Variants in UBASH3B observed in about 807,000 individuals in gnomAD.
The protein encoded by UBASH3B is ubiquitin associated and SH3 domain containing B.
A neutral mutation model predicts 83.4 loss-of-function variants in UBASH3B; 37 were observed. That is an observed-to-expected ratio of 0.44 (90% CI 0.34 to 0.58). The LOEUF (loss-of-function observed/expected upper bound fraction) is 0.58, where lower values mean the gene tolerates loss of function less well. Among genes scored for constraint, UBASH3B ranks in the 20% least tolerant of loss-of-function variants. UBASH3B has a pLI of 0.01. For missense variants in UBASH3B, 657 were observed against 827.2 expected (o/e 0.79, Z 2.52); for synonymous variants, 304 against 318.3 (o/e 0.96, Z 0.48).
chr11:122,802,547 A>G (rs1861277090), intron 11 of UBASH3B, among the ~76,000 whole-genome samples: 1 of 152,092 alleles, frequency 6.6e-6, no homozygotes, highest in South Asian at 2.1e-4. Flanking sequence ...TACCCAAACC[A>G]CATTAAAGCA....
chr11:122,776,648 G>T (rs140273192), intron 2 of UBASH3B, among the ~76,000 whole-genome samples: 74 of 152,286 alleles, frequency 4.9e-4, no homozygotes, highest in African/African-American at 1.5e-3. Context: ...ACCTCTCTGG[G>T]AGCTTCCCTT....
intron 1 of UBASH3B, among the ~76,000 whole-genome samples, chr11:122,739,213 G>A (rs1444086226): frequency 1.3e-5 from 2 of 152,164 alleles, no homozygotes; most frequent in Non-Finnish European, 2.9e-5. Context: ...CCCAGACTGA[G>A]GAGTGGAAAG....
chr11:122,699,511 T>TTC, intron 1 of UBASH3B, among the ~76,000 whole-genome samples: 1 of 139,878 alleles, frequency 7.1e-6, no homozygotes, highest in East Asian at 2.2e-4. Flanking sequence ...CTTTCTTTCT[T>TTC]TCTTTCTCTT....
At chr11:122,692,041 G>T (rs935816103) in intron 1 of UBASH3B, among the ~76,000 whole-genome samples, 2 of 152,138 alleles carry the variant, frequency 1.3e-5, no homozygotes, top group Non-Finnish European at 2.9e-5. Context: ...CGTTCCATGT[G>T]CTGGCTCTGC....
At chr11:122,752,875 C>A (rs538401009) in intron 1 of UBASH3B, among the ~76,000 whole-genome samples, 3 of 152,170 alleles carry the variant, frequency 2.0e-5, no homozygotes, top group East Asian at 3.9e-4. Flanking sequence ...ATACAAACAA[C>A]CAACCTTTGA....
intron 6 of UBASH3B, among the ~76,000 whole-genome samples, chr11:122,789,860 C>T (rs1861020665): frequency 6.6e-6 from 1 of 152,188 alleles, no homozygotes; most frequent in Non-Finnish European, 1.5e-5. Context: ...AAAAGGGGTC[C>T]ATTTCCCCCC....
At chr11:122,657,618 C>T (rs1413799666) in intron 1 of UBASH3B, among the ~76,000 whole-genome samples, 1 of 152,162 alleles carries the variant, frequency 6.6e-6, no homozygotes, top group African/African-American at 2.4e-5. Flanking sequence ...CTTGTTTATT[C>T]TCTACTAACT....
chr11:122,768,072 C>G (rs1389302759), intron 1 of UBASH3B, among the ~76,000 whole-genome samples: 1 of 152,204 alleles, frequency 6.6e-6, no homozygotes, highest in Non-Finnish European at 1.5e-5. Context: ...GACTGCTAGC[C>G]TGGGAGCCCT....
intron 1 of UBASH3B, among the ~76,000 whole-genome samples, chr11:122,756,773 G>C (rs555043242): frequency 6.6e-6 from 1 of 152,190 alleles, no homozygotes; most frequent in Non-Finnish European, 1.5e-5. Context: ...CCCTATGAAG[G>C]GGGTCCTCAA....
chr11:122,703,860 G>A (rs955724987), intron 1 of UBASH3B, among the ~76,000 whole-genome samples: 1 of 152,224 alleles, frequency 6.6e-6, no homozygotes, highest in African/African-American at 2.4e-5. Context: ...ACAGGTGATG[G>A]CATAAGCCGG....
chr11:122,671,120 CAG>C (rs781629266), intron 1 of UBASH3B, among the ~76,000 whole-genome samples: 3 of 152,274 alleles, frequency 2.0e-5, no homozygotes, highest in Non-Finnish European at 4.4e-5. Flanking sequence ...AGGAGGGGAA[CAG>C]AGATGCGGGG....
chr11:122,801,367 T>C, intron 11 of UBASH3B, 35 bp downstream of exon 11: 11 of 1,608,748 alleles, frequency 6.8e-6, no homozygotes, highest in African/African-American at 1.3e-5. Context: ...CTGAGGCCAG[T>C]GTGGAAGTGC....
chr11:122,785,377 A>T (rs1180626315), intron 5 of UBASH3B, among the ~76,000 whole-genome samples: 1 of 152,020 alleles, frequency 6.6e-6, no homozygotes, highest in East Asian at 1.9e-4. Flanking sequence ...TGCCCCCAGG[A>T]GGCAGTTTTG....
At chr11:122,695,393 T>G (rs1863953928) in intron 1 of UBASH3B, among the ~76,000 whole-genome samples, 1 of 152,148 alleles carries the variant, frequency 6.6e-6, no homozygotes, top group African/African-American at 2.4e-5. Context: ...TGCGGATGGG[T>G]GGGAGTTTCC....
intron 1 of UBASH3B, among the ~76,000 whole-genome samples, chr11:122,720,999 A>T (rs1860619745): frequency 6.6e-6 from 1 of 151,918 alleles, no homozygotes; most frequent in African/African-American, 2.4e-5. Flanking sequence ...TAATCCCAGC[A>T]CTTTGGGAGG....
chr11:122,798,078 G>GTTCTGGA (rs1380642728), intron 9 of UBASH3B, among the ~76,000 whole-genome samples: 2 of 152,010 alleles, frequency 1.3e-5, no homozygotes, highest in African/African-American at 4.8e-5. Context: ...GAGACCTGGA[G>GTTCTGGA]TTCGAGGCTG....
intron 6 of UBASH3B, among the ~76,000 whole-genome samples, chr11:122,793,855 A>C (rs1347038114): frequency 2.0e-5 from 3 of 151,954 alleles, no homozygotes; most frequent in East Asian, 3.9e-4. Context: ...ATTGAGGGGG[A>C]GATAGGGTTT....
intron 1 of UBASH3B, among the ~76,000 whole-genome samples, chr11:122,767,004 G>A (rs1387902578): frequency 6.6e-6 from 1 of 152,174 alleles, no homozygotes. Flanking sequence ...TCTAGGCCGG[G>A]CGCAGTGGCT....
intron 12 of UBASH3B, among the ~76,000 whole-genome samples, chr11:122,807,265 C>A (rs1861356999): frequency 6.6e-6 from 1 of 152,162 alleles, no homozygotes; most frequent in Non-Finnish European, 1.5e-5. Context: ...GCACAGACAG[C>A]CCTATGGACA....
Sources: allele counts gnomAD v4.1 joint callset (sites outside exome capture counted in the v4.1 genomes callset), GRCh38; gene constraint gnomAD v4.1.1; transcripts MANE v1.5; gene names NCBI Gene and HGNC (gene_info 2026-07-23, HGNC 2026-07-21).